Variants in CNTNAP5 observed in about 807,000 individuals in gnomAD.
CNTNAP5 encodes the protein contactin-associated protein-like 5.
CNTNAP5 carries 72 observed loss-of-function variants against 150.2 expected under a neutral mutation model. That is an observed-to-expected ratio of 0.48 (90% CI 0.40 to 0.58). The LOEUF is 0.58. CNTNAP5 is among the 20% of genes least tolerant of loss of function. CNTNAP5 has a pLI of 0.00. For missense variants in CNTNAP5, 1,636 were observed against 1,626.2 expected, an observed-to-expected ratio of 1.01 and a Z score of -0.10; for synonymous variants, 672 against 619.8, an observed-to-expected ratio of 1.08 and a Z score of -1.25.
intron 13 of CNTNAP5, among the ~76,000 whole-genome samples, chr2:124,664,514 C>G (rs1005391989): frequency 6.6e-6 from 1 of 152,052 alleles, no homozygotes; most frequent in East Asian, 1.9e-4. Context: ...TCCCAGCACC[C>G]GGAGTGATAG....
intron 7 of CNTNAP5, among the ~76,000 whole-genome samples, chr2:124,496,872 C>T (rs1392747914): frequency 1.3e-5 from 2 of 152,328 alleles, no homozygotes; most frequent in South Asian, 2.1e-4. Context: ...GCCTTAGTCA[C>T]CTGATTGGAT....
intron 12 of CNTNAP5, among the ~76,000 whole-genome samples, chr2:124,615,612 T>G (rs188865054): frequency 1.9e-4 from 29 of 152,304 alleles, no homozygotes; most frequent in African/African-American, 6.7e-4. Context: ...AGGACTGGAA[T>G]CAACTTCTTC....
At chr2:124,571,002 A>G (rs1696140241) in intron 11 of CNTNAP5, among the ~76,000 whole-genome samples, 1 of 152,212 alleles carries the variant, frequency 6.6e-6, no homozygotes, top group African/African-American at 2.4e-5. Flanking sequence ...CTCACCTGTC[A>G]TATGGGGCTA....
chr2:124,239,148 T>C (rs1686822050), intron 2 of CNTNAP5, among the ~76,000 whole-genome samples: 2 of 152,142 alleles, frequency 1.3e-5, no homozygotes, highest in South Asian at 4.1e-4. Flanking sequence ...TGATTTTCTT[T>C]AGACAAATTT....
intron 21 of CNTNAP5, among the ~76,000 whole-genome samples, chr2:124,871,277 C>CTTATTTATTTATTTATTTATTTAT (rs1401599879): frequency 0.042 from 5,653 of 135,368 alleles, 363 homozygotes; most frequent in African/African-American, 0.2. Flanking sequence ...TACATATTTA[C>CTTATTTATTTATTTATTTATTTAT]TTACTTATTT....
intron 13 of CNTNAP5, among the ~76,000 whole-genome samples, chr2:124,705,209 G>C (rs1679608970): frequency 6.6e-6 from 1 of 152,016 alleles, no homozygotes; most frequent in South Asian, 2.1e-4. Flanking sequence ...AATTCCATGA[G>C]GGCAAATTAC....
chr2:124,244,284 A>T (rs2104771155), intron 3 of CNTNAP5, among the ~76,000 whole-genome samples: 1 of 152,130 alleles, frequency 6.6e-6, no homozygotes, highest in African/African-American at 2.4e-5. Flanking sequence ...AAAGGCAGGG[A>T]TCTCTTTATA....
At chr2:124,151,647 C>T (rs1684407932) in intron 1 of CNTNAP5, among the ~76,000 whole-genome samples, 1 of 152,112 alleles carries the variant, frequency 6.6e-6, no homozygotes, top group Admixed American at 6.5e-5. Context: ...GGCCTAAGGC[C>T]CTTAAGAATA....
intron 2 of CNTNAP5, among the ~76,000 whole-genome samples, chr2:124,232,827 G>A (rs62170847): frequency 0.03 from 4,608 of 152,194 alleles, 80 homozygotes; most frequent in Admixed American, 0.035. Context: ...ATCAGAAAGC[G>A]TTCTGGGGTA....
At chr2:124,450,928 G>A (rs1692954100) in intron 6 of CNTNAP5, among the ~76,000 whole-genome samples, 1 of 149,372 alleles carries the variant, frequency 6.7e-6, no homozygotes, top group Non-Finnish European at 1.5e-5. Flanking sequence ...CTACTTGGGA[G>A]GCTGAGGAGG....
At chr2:124,623,565 T>C (rs1261882673) in intron 12 of CNTNAP5, among the ~76,000 whole-genome samples, 2 of 152,216 alleles carry the variant, frequency 1.3e-5, no homozygotes, top group African/African-American at 4.8e-5. Flanking sequence ...AGGAGGGTGA[T>C]GATGACAGCT....
chr2:124,187,843 A>T (rs1685369498), intron 1 of CNTNAP5, among the ~76,000 whole-genome samples: 1 of 152,196 alleles, frequency 6.6e-6, no homozygotes, highest in Non-Finnish European at 1.5e-5. Context: ...TTTCATTTCA[A>T]ATCCGAGATA....
At chr2:124,242,687 A>G (rs144041655) in intron 3 of CNTNAP5, among the ~76,000 whole-genome samples, 7 of 152,224 alleles carry the variant, frequency 4.6e-5, no homozygotes, top group Non-Finnish European at 1.0e-4. Flanking sequence ...AAAACAGATA[A>G]ATGTACCAAA....
At chr2:124,196,523 G>A (rs569751997) in intron 1 of CNTNAP5, among the ~76,000 whole-genome samples, 1 of 152,246 alleles carries the variant, frequency 6.6e-6, no homozygotes, top group East Asian at 1.9e-4. Flanking sequence ...TCCATGCAAA[G>A]ATAGTACACT....
chr2:124,318,338 C>T (rs999268824), intron 3 of CNTNAP5, among the ~76,000 whole-genome samples: 1 of 152,174 alleles, frequency 6.6e-6, no homozygotes, highest in East Asian at 1.9e-4. Context: ...AATATACCTT[C>T]AATTCAAACA....
At chr2:124,821,986 C>G (rs1033591020) in intron 19 of CNTNAP5, among the ~76,000 whole-genome samples, 5 of 152,174 alleles carry the variant, frequency 3.3e-5, no homozygotes, top group Non-Finnish European at 7.4e-5. Flanking sequence ...AATGAAAGCT[C>G]TCAGGTCCCA....
intron 8 of CNTNAP5, among the ~76,000 whole-genome samples, chr2:124,508,701 C>T (rs1288739104): frequency 6.6e-6 from 1 of 152,122 alleles, no homozygotes; most frequent in Non-Finnish European, 1.5e-5. Context: ...AATGTGCAAC[C>T]AGAGTTCCAA....
chr2:124,840,864 T>C (rs991750806), intron 19 of CNTNAP5, among the ~76,000 whole-genome samples: 3 of 152,122 alleles, frequency 2.0e-5, no homozygotes, highest in Non-Finnish European at 4.4e-5. Context: ...GCAGGCTGCA[T>C]GGGGCTGACA....
Position 124,914,261 on chromosome 2 carries a change from C to G in CNTNAP5, c.3897C>G (p.Ser1299Arg). Residue 1299 changes from serine (S) to arginine (R), a missense_variant, in exon 24 of 24, where the codon AGC becomes AGG. Ser to Arg is a moderately radical substitution (Grantham distance 110). Coordinates refer to ENST00000682447, the MANE Select transcript of CNTNAP5 (RefSeq NM_001367498.1). ...RNEIDLQNTVSECKREYFI is the reference protein window; with the variant it reads ...RNEIDLQNTVRECKREYFI ...AAATTGACTTGCAAAACACAGTGAG[C>G]GAGTGTAAACGGGAATATTTCATCT... is the stretch of plus-strand genomic sequence containing the variant. 6.2e-7 allele frequency: 1 copy of G among 1,611,630 alleles called. No homozygotes were observed. Among genetic ancestry groups the G allele is most frequent in the Non-Finnish European group, 8.5e-7 (1 of 1,178,462 alleles).
Sources: allele counts gnomAD v4.1 joint callset (sites outside exome capture counted in the v4.1 genomes callset), GRCh38; gene constraint gnomAD v4.1.1; transcripts MANE v1.5; gene names NCBI Gene and HGNC (gene_info 2026-07-23, HGNC 2026-07-21).